DNAJC6: variants seen among roughly 807,000 people sequenced by gnomAD.
DNAJC6 encodes DnaJ heat shock protein family (Hsp40) member C6, also known as auxilin.
In DNAJC6, 34 loss-of-function variants were observed where a neutral mutation model predicts 110.0. The ratio of observed to expected loss-of-function variants is 0.31; its 90% CI spans 0.24 to 0.41. The LOEUF (loss-of-function observed/expected upper bound fraction) is 0.41. Ranked by LOEUF, DNAJC6 falls within the 10% of genes least tolerant of loss-of-function variation. The pLI is 1.00. For synonymous variants in DNAJC6, 406 were observed against 437.2 expected (o/e 0.93, Z 0.89); for missense variants, 1,031 against 1,207.8 (o/e 0.85, Z 2.17).
chr1:65,336,208 G>C (rs1355637970), intron 1 of DNAJC6, among the ~76,000 whole-genome samples: 1 of 152,234 alleles, frequency 6.6e-6, no homozygotes, highest in Admixed American at 6.5e-5. Flanking sequence ...TCTTCATGCA[G>C]CAGCAGCAAG....
chr1:65,304,527 G>A (rs1260303312), intron 1 of DNAJC6, among the ~76,000 whole-genome samples: 1 of 152,158 alleles, frequency 6.6e-6, no homozygotes, highest in East Asian at 1.9e-4. Context: ...GAGGAGAGAG[G>A]GAAGTGACAA....
chr1:65,380,444 G>T lies in DNAJC6; in HGVS notation c.666+920G>T, dbSNP rs187163189. 3.3e-5 allele frequency among the ~76,000 whole-genome samples: 5 copies of T among 152,288 alleles called. No individual in the cohort carries two copies. In the East Asian group the frequency reaches 7.7e-4, roughly 23 times the overall value. ...GGCTAAAACAGGAAAGAAAGTTAAA[G>T]AACATTTTTTCTTTCTTTTTACTTC... On this transcript the variant is annotated intron_variant, in intron 5 of 18. Transcript: ENST00000371069.
intron 4 of DNAJC6, among the ~76,000 whole-genome samples, chr1:65,373,045 A>G (rs1645722811): frequency 6.6e-6 from 1 of 152,112 alleles, no homozygotes; most frequent in Non-Finnish European, 1.5e-5. Context: ...TCTGCATATG[A>G]GTAAAAAACA....
At chr1:65,399,200 T>C (rs1393795944) in intron 14 of DNAJC6, among the ~76,000 whole-genome samples, 2 of 152,230 alleles carry the variant, frequency 1.3e-5, no homozygotes, top group Non-Finnish European at 2.9e-5. Context: ...TGAGCCTCAG[T>C]TTTCTTATCT....
At chr1:65,286,941 T>C (rs1654042333) in intron 1 of DNAJC6, among the ~76,000 whole-genome samples, 1 of 152,206 alleles carries the variant, frequency 6.6e-6, no homozygotes, top group Non-Finnish European at 1.5e-5. Context: ...CATATAGGTT[T>C]CTTTGATCCC....
intron 1 of DNAJC6, among the ~76,000 whole-genome samples, chr1:65,270,670 A>G (rs987952749): frequency 1.3e-5 from 2 of 151,868 alleles, no homozygotes; most frequent in African/African-American, 2.4e-5. Flanking sequence ...TTACATTTTT[A>G]TTTTTTGTTT....
intron 4 of DNAJC6, among the ~76,000 whole-genome samples, chr1:65,377,628 T>A (rs1645778557): frequency 6.6e-6 from 1 of 152,224 alleles, no homozygotes; most frequent in Admixed American, 6.5e-5. Context: ...CACAGTCATC[T>A]TGTAGAAAAA....
At position 65,277,931 on chromosome 1, in the gene DNAJC6, T is replaced by C. The variant is rs545934000; in HGVS notation, c.-131+12999T>C. 3.2e-3 allele frequency among the ~76,000 whole-genome samples: 481 copies of C among 151,920 alleles called. 3 individuals are homozygous for C. Among genetic ancestry groups the C allele is most frequent in the Non-Finnish European group, 4.6e-3 (314 of 67,956 alleles). On this transcript the variant is annotated intron_variant, in intron 1 of 19. Transcript: ENST00000263441. ...ACAGATAAGCTTGCCCTACAGGGAG[T>C]GTCTGGTGAAGGAAAGGTAAATGTT...
At chr1:65,324,367 G>GTT (rs200560982) in intron 1 of DNAJC6, among the ~76,000 whole-genome samples, 1 of 146,814 alleles carries the variant, frequency 6.8e-6, no homozygotes, top group African/African-American at 2.5e-5. Context: ...GTTTTGTTTT[G>GTT]TTTTTTTTTT....
intron 1 of DNAJC6, among the ~76,000 whole-genome samples, chr1:65,285,782 C>T (rs1211986542): frequency 2.0e-5 from 3 of 152,110 alleles, no homozygotes; most frequent in East Asian, 1.9e-4. Context: ...AAGTGATTCT[C>T]GTGCCTCAGC....
chr1:65,271,994 G>C (rs903895904), intron 1 of DNAJC6, among the ~76,000 whole-genome samples: 2 of 152,034 alleles, frequency 1.3e-5, no homozygotes, highest in Admixed American at 6.5e-5. Flanking sequence ...TATGTAGACC[G>C]TTTATTTTTC....
upstream of DNAJC6, among the ~76,000 whole-genome samples, chr1:65,306,249 G>A (rs144062780): frequency 1.7e-3 from 265 of 151,970 alleles, 3 homozygotes; most frequent in Middle Eastern, 0.014. Flanking sequence ...GGGTTTCACC[G>A]TGTTAGCCAG....
At chr1:65,308,405 T>C (rs939708531), upstream of DNAJC6, among the ~76,000 whole-genome samples, 6 of 152,234 alleles carry the variant, frequency 3.9e-5, no homozygotes, top group African/African-American at 1.4e-4. Flanking sequence ...TACTTGATCT[T>C]GACCTAAGAT....
intron 4 of DNAJC6, among the ~76,000 whole-genome samples, chr1:65,368,406 C>G (rs1180488841): frequency 6.6e-6 from 1 of 152,084 alleles, no homozygotes; most frequent in African/African-American, 2.4e-5. Flanking sequence ...CTCATGTGCA[C>G]ACAGACACAC....
chr1:65,364,580 G>C (rs983302144), intron 1 of DNAJC6, 55 bp from the exon 2 acceptor site: 8 of 1,559,586 alleles, frequency 5.1e-6, no homozygotes, highest in Non-Finnish European at 6.9e-6. Context: ...TTGGTTTTCC[G>C]TGGATTCTCT....
intron 1 of DNAJC6, among the ~76,000 whole-genome samples, chr1:65,346,297 A>G (rs926090392): frequency 5.3e-5 from 8 of 152,210 alleles, no homozygotes; most frequent in Non-Finnish European, 4.4e-5. Context: ...AATATGCCCT[A>G]AAGAGTGTGC....
upstream of DNAJC6, among the ~76,000 whole-genome samples, chr1:65,305,889 A>T (rs543796237): frequency 1.7e-3 from 209 of 120,240 alleles, no homozygotes; most frequent in African/African-American, 7.0e-3. Flanking sequence ...GTAATAATAG[A>T]TAGCATATGT....
intron 14 of DNAJC6, among the ~76,000 whole-genome samples, chr1:65,400,833 T>C (rs12136950): frequency 0.44 from 67,520 of 152,112 alleles, 15,727 homozygotes; most frequent in Middle Eastern, 0.58. Context: ...TTGATTTCCT[T>C]TGGATATATA....
intron 15 of DNAJC6, among the ~76,000 whole-genome samples, chr1:65,402,352 A>G (rs2101629854): frequency 6.6e-6 from 1 of 152,322 alleles, no homozygotes; most frequent in South Asian, 2.1e-4. Context: ...AAAATTCTAT[A>G]CAGAAAATAG....
Sources: allele counts gnomAD v4.1 joint callset (sites outside exome capture counted in the v4.1 genomes callset), GRCh38; gene constraint gnomAD v4.1.1; transcripts MANE v1.5; gene names NCBI Gene and HGNC (gene_info 2026-07-23, HGNC 2026-07-21).